MAPK9: variants seen among roughly 807,000 people sequenced by gnomAD.
MAPK9 encodes mitogen-activated protein kinase 9.
MAPK9 carries 30 observed loss-of-function variants against 57.1 expected under a neutral mutation model. That is an observed-to-expected ratio of 0.53 (90% CI 0.39 to 0.71). MAPK9 has a LOEUF of 0.71. Ranked by LOEUF, MAPK9 falls within the 30% of genes least tolerant of loss-of-function variation. The pLI is 0.00. For synonymous variants in MAPK9, 155 were observed against 177.0 expected, an observed-to-expected ratio of 0.88 and a Z score of 0.99; for missense variants, 362 against 521.0, an observed-to-expected ratio of 0.69 and a Z score of 2.97.
At chr5:180,280,651 A>G in intron 1 of MAPK9, 43 bp from the exon 2 acceptor site, 1 of 1,490,600 alleles carries the variant, frequency 6.7e-7, no homozygotes, top group Non-Finnish European at 9.1e-7. Context: ...TACCGGAAGT[A>G]CATACGCAGC....
At chr5:180,260,629 G>GT (rs553601967) in intron 5 of MAPK9, among the ~76,000 whole-genome samples, 4 of 152,216 alleles carry the variant, frequency 2.6e-5, no homozygotes, top group East Asian at 3.9e-4. Flanking sequence ...GGTAGTGTGG[G>GT]TTTTTTTGTC....
chr5:180,249,161 T>C lies in MAPK9; in HGVS notation c.451-23A>G, dbSNP rs140297408. 283 of 1,594,960 alleles carry C rather than the reference T, an allele frequency of 1.8e-4. 4 individuals are homozygous for C. In the East Asian group the frequency reaches 5.2e-3, roughly 29 times the overall value. ...ATCCTAGGAAAGAAATGGCTTAAAT[T>C]AGTAAAATGAATGAAGCATGCTAAA... is the stretch of plus-strand genomic sequence containing the variant. On this transcript the variant is annotated intron_variant, in intron 5 of 11. Coordinates refer to ENST00000452135, the MANE Select transcript of MAPK9 (RefSeq NM_002752.5).
intron 9 of MAPK9, among the ~76,000 whole-genome samples, chr5:180,240,590 G>C (rs1757564577): frequency 6.6e-6 from 1 of 152,224 alleles, no homozygotes; most frequent in Admixed American, 6.5e-5. Context: ...ACAGAAACAC[G>C]CACGTGAGCA....
At chr5:180,287,600 G>C (rs2127633820) in intron 1 of MAPK9, among the ~76,000 whole-genome samples, 1 of 152,280 alleles carries the variant, frequency 6.6e-6, no homozygotes, top group African/African-American at 2.4e-5. Context: ...GACACACCCA[G>C]CTACTGCACA....
At chr5:180,290,470 G>A (rs1467955070) in intron 1 of MAPK9, among the ~76,000 whole-genome samples, 4 of 152,180 alleles carry the variant, frequency 2.6e-5, no homozygotes, top group African/African-American at 9.7e-5. Flanking sequence ...TGGGCTCCTG[G>A]GCTCTCTCGG....
At chr5:180,275,776 C>A (rs1162353775) in intron 2 of MAPK9, among the ~76,000 whole-genome samples, 1 of 152,226 alleles carries the variant, frequency 6.6e-6, no homozygotes, top group African/African-American at 2.4e-5. Flanking sequence ...TCTTCATTGT[C>A]ATCTCTATGC....
intron 5 of MAPK9, among the ~76,000 whole-genome samples, chr5:180,250,852 G>A (rs948326656): frequency 1.3e-5 from 2 of 152,122 alleles, no homozygotes; most frequent in Non-Finnish European, 1.5e-5. Flanking sequence ...GGAAGAAACC[G>A]GGCTGCCTCC....
intron 5 of MAPK9, among the ~76,000 whole-genome samples, chr5:180,260,988 A>G (rs936977434): frequency 4.6e-5 from 7 of 152,082 alleles, no homozygotes; most frequent in Admixed American, 3.9e-4. Flanking sequence ...CAGCCGTACA[A>G]GTAATAATAA....
intron 3 of MAPK9, among the ~76,000 whole-genome samples, chr5:180,267,699 TACAA>T (rs1322725627): frequency 6.6e-6 from 1 of 151,956 alleles, no homozygotes; most frequent in Non-Finnish European, 1.5e-5. Context: ...ACCCCACCTC[TACAA>T]ACAATTTTAA....
chr5:180,238,110 A>G, intron 11 of MAPK9: 1 of 355,784 alleles, frequency 2.8e-6, no homozygotes, highest in South Asian at 2.8e-5. Context: ...TCTCTACTAA[A>G]AATACAAAAA....
Position 180,247,301 on chromosome 5 carries a change from T to C in MAPK9, c.688+138A>G. 1.2e-6 allele frequency: 1 copy of C among 854,104 alleles called. No individual in the cohort carries two copies. The allele number at this position is 854,104 out of a possible 1,614,324, so 52.9% of individuals were successfully genotyped here. A position where few individuals can be genotyped will look rare whatever the true frequency, so the allele number is the denominator to read the frequency against. Reference sequence around the variant, plus strand: ...TTGGCTTGTGACACTAATTAACAAATACAGTAAAGCCCCCCTTAGAACACA... The same window carrying C: ...TTGGCTTGTGACACTAATTAACAAACACAGTAAAGCCCCCCTTAGAACACA... On this transcript the variant is annotated intron_variant, in intron 7 of 11. Transcript: ENST00000452135. This position sits in a 1 kb window ranked among gnomAD's most constrained non-coding sequence, Gnocchi z 4.5.
At chr5:180,269,107 C>A (rs1360584408) in intron 3 of MAPK9, among the ~76,000 whole-genome samples, 173 bp downstream of exon 3, 1 of 152,192 alleles carries the variant, frequency 6.6e-6, no homozygotes. Context: ...CCACTGCATT[C>A]CAGCCTGGGC....
intron 7 of MAPK9, among the ~76,000 whole-genome samples, chr5:180,244,458 T>C (rs1037555582): frequency 1.3e-5 from 2 of 152,048 alleles, no homozygotes; most frequent in African/African-American, 2.4e-5. Context: ...TATTTCTTAT[T>C]CCTATTTGCA....
intron 1 of MAPK9, among the ~76,000 whole-genome samples, chr5:180,288,618 T>C (rs997906287): frequency 1.3e-5 from 2 of 152,206 alleles, no homozygotes; most frequent in Admixed American, 6.5e-5. Flanking sequence ...ATCACCCAGA[T>C]AAGCAGCAGA....
intron 3 of MAPK9, 91 bp downstream of exon 3, chr5:180,269,189 G>T: frequency 7.5e-7 from 1 of 1,341,438 alleles, no homozygotes; most frequent in Non-Finnish European, 1.0e-6. Context: ...CTTATCCTAG[G>T]TCTGAACTCA....
chr5:180,248,964 T>C lies in MAPK9; in HGVS notation c.616+9A>G. 6.3e-7 allele frequency: 1 copy of C among 1,598,222 alleles called. No homozygotes were observed. The highest frequency in any genetic ancestry group is 1.3e-5 in the African/African-American group (1 of 74,450). On this transcript the variant is annotated intron_variant, in intron 6 of 11. Coordinates refer to ENST00000452135, the MANE Select transcript of MAPK9 (RefSeq NM_002752.5). ...CATCCCAGCCTCTTCCAGCCCCGGC[T>C]ATACTCACCGTTCTCTTTGTAGCCC...
intron 1 of MAPK9, among the ~76,000 whole-genome samples, chr5:180,288,471 A>G (rs1290371315): frequency 1.3e-5 from 2 of 152,236 alleles, no homozygotes; most frequent in African/African-American, 4.8e-5. Flanking sequence ...ATATTAAGCA[A>G]TTATTACTTT....
chr5:180,244,381 G>A (rs1757908248), intron 7 of MAPK9, among the ~76,000 whole-genome samples: 1 of 152,128 alleles, frequency 6.6e-6, no homozygotes, highest in African/African-American at 2.4e-5. Context: ...CCACCACGTT[G>A]GTAAATGATG....
intron 5 of MAPK9, among the ~76,000 whole-genome samples, chr5:180,252,900 C>T (rs1051984518): frequency 2.6e-5 from 4 of 152,206 alleles, no homozygotes; most frequent in Admixed American, 2.6e-4. Context: ...CCTCTGTCTT[C>T]CAGATTTCCC....
Sources: allele counts gnomAD v4.1 joint callset (sites outside exome capture counted in the v4.1 genomes callset), GRCh38; gene constraint gnomAD v4.1.1; non-coding constraint Gnocchi (gnomAD v3.1); transcripts MANE v1.5; gene names NCBI Gene and HGNC (gene_info 2026-07-23, HGNC 2026-07-21).